The following DLGAP1 variants were observed in gnomAD, a reference collection of about 807,000 sequenced individuals.
DLGAP1 encodes DLG associated protein 1, also known as disks large-associated protein 1.
Under a neutral mutation model 90.8 loss-of-function variants are expected in DLGAP1, and 11 were observed. The ratio of observed to expected loss-of-function variants is 0.12; its 90% CI spans 0.08 to 0.20. The LOEUF is 0.20. Among genes scored for constraint, DLGAP1 ranks in the 10% least tolerant of loss-of-function variants. DLGAP1 has a pLI of 1.00. For synonymous variants in DLGAP1, 558 were observed against 540.7 expected (o/e 1.03, Z -0.44); for missense variants, 1,050 against 1,333.8 (o/e 0.79, Z 3.31).
intron 5 of DLGAP1, among the ~76,000 whole-genome samples, chr18:3,753,125 C>T (rs762981416): frequency 5.9e-5 from 9 of 152,182 alleles, no homozygotes; most frequent in African/African-American, 1.9e-4. Flanking sequence ...ATTGGCAAAA[C>T]GATTAAAATC....
At chr18:3,867,094 C>A (rs1016142950) in intron 4 of DLGAP1, among the ~76,000 whole-genome samples, 1 of 152,142 alleles carries the variant, frequency 6.6e-6, no homozygotes, top group Non-Finnish European at 1.5e-5. Context: ...CCTCGTGATC[C>A]GCCCGCCTTG....
intron 5 of DLGAP1, among the ~76,000 whole-genome samples, chr18:3,757,661 T>A (rs2063772380): frequency 6.6e-6 from 1 of 152,192 alleles, no homozygotes; most frequent in African/African-American, 2.4e-5. Context: ...TCGTCTCACA[T>A]AGAAGTAGAT....
At chr18:4,427,652 G>A (rs532330146) in intron 1 of DLGAP1, among the ~76,000 whole-genome samples, 12 of 152,244 alleles carry the variant, frequency 7.9e-5, no homozygotes, top group South Asian at 4.1e-4. Context: ...GGCAGTGCCC[G>A]GGCCTGGTCA....
intron 4 of DLGAP1, among the ~76,000 whole-genome samples, chr18:3,873,651 G>C (rs1172985132): frequency 6.6e-6 from 1 of 152,088 alleles, no homozygotes; most frequent in Non-Finnish European, 1.5e-5. Context: ...AAATAATCTT[G>C]AACCAATTAT....
intron 3 of DLGAP1, among the ~76,000 whole-genome samples, chr18:3,955,604 C>T (rs1344092833): frequency 6.6e-6 from 1 of 151,954 alleles, no homozygotes; most frequent in Admixed American, 6.5e-5. Flanking sequence ...ATACCAGCTA[C>T]TCGGGAGGCT....
chr18:4,108,595 GCA>G (rs1491400681), intron 2 of DLGAP1, among the ~76,000 whole-genome samples: 5 of 39,454 alleles, frequency 1.3e-4, no homozygotes, highest in African/African-American at 1.1e-3. Flanking sequence ...TTATTTATTA[GCA>G]TTAGCTAATA....
intron 7 of DLGAP1, among the ~76,000 whole-genome samples, chr18:3,688,837 C>T (rs2060798591): frequency 6.6e-6 from 1 of 152,126 alleles, no homozygotes; most frequent in East Asian, 1.9e-4. Context: ...CTCTTTCATC[C>T]GGCCTCCTTT....
intron 1 of DLGAP1, among the ~76,000 whole-genome samples, chr18:4,427,703 A>G (rs368566558): frequency 1.1e-4 from 17 of 152,120 alleles, no homozygotes; most frequent in African/African-American, 3.6e-4. Flanking sequence ...TCTGTCATCC[A>G]TTATTTTGAG....
chr18:3,710,046 AT>A (rs2147214896), intron 7 of DLGAP1, among the ~76,000 whole-genome samples: 1 of 152,224 alleles, frequency 6.6e-6, no homozygotes, highest in Non-Finnish European at 1.5e-5. Flanking sequence ...GGGAGCTGCT[AT>A]TTTCTGTAGT....
intron 7 of DLGAP1, among the ~76,000 whole-genome samples, chr18:3,658,369 TG>T (rs2059573363): frequency 6.6e-6 from 1 of 152,234 alleles, no homozygotes; most frequent in African/African-American, 2.4e-5. Flanking sequence ...CAAGCTGGTA[TG>T]AACCCGCTTT....
At chr18:3,818,277 C>G (rs913080689) in intron 4 of DLGAP1, among the ~76,000 whole-genome samples, 1 of 150,998 alleles carries the variant, frequency 6.6e-6, no homozygotes, top group South Asian at 2.1e-4. Context: ...GGAAGACCTG[C>G]CCTTGACTAA....
intron 1 of DLGAP1, among the ~76,000 whole-genome samples, chr18:4,427,573 C>T (rs967963407): frequency 6.6e-6 from 1 of 151,992 alleles, no homozygotes; most frequent in African/African-American, 2.4e-5. Flanking sequence ...AGATTGAGTC[C>T]CTTGCTGCCA....
intron 4 of DLGAP1, among the ~76,000 whole-genome samples, chr18:3,818,032 G>C (rs1421774212): frequency 1.3e-5 from 2 of 152,098 alleles, no homozygotes; most frequent in Non-Finnish European, 2.9e-5. Context: ...TTAGGAGGGG[G>C]TTGGACTCAA....
chr18:3,573,674 A>G (rs2145237363), intron 8 of DLGAP1, among the ~76,000 whole-genome samples: 1 of 151,706 alleles, frequency 6.6e-6, no homozygotes, highest in East Asian at 1.9e-4. Context: ...TTCTATGGTT[A>G]TAAGATTTCT....
chr18:3,914,029 C>T (rs1010504274), intron 3 of DLGAP1, among the ~76,000 whole-genome samples: 1 of 151,896 alleles, frequency 6.6e-6, no homozygotes, highest in African/African-American at 2.4e-5. Flanking sequence ...TTTTTCCCCA[C>T]CATAGGTAAT....
intron 1 of DLGAP1, among the ~76,000 whole-genome samples, chr18:4,373,396 G>A (rs1212337520): frequency 6.6e-6 from 1 of 152,152 alleles, no homozygotes; most frequent in Non-Finnish European, 1.5e-5. Context: ...ACAAGCAAGT[G>A]AGGAAGTGGG....
intron 1 of DLGAP1, among the ~76,000 whole-genome samples, chr18:4,320,340 G>A (rs1009622343): frequency 6.6e-6 from 1 of 152,064 alleles, no homozygotes; most frequent in Non-Finnish European, 1.5e-5. Context: ...AGCTGAACAG[G>A]TAAATTGGAG....
intron 8 of DLGAP1, 22 bp downstream of exon 8, chr18:3,581,853 G>T: frequency 1.2e-6 from 2 of 1,610,046 alleles, no homozygotes; most frequent in Non-Finnish European, 8.5e-7. Context: ...CTATTTCAAA[G>T]GATAGAAAGG....
rs529056608 is a variant in DLGAP1 at position 4,322,884 on chromosome 18, C to G, written c.-267+132122G>C. Reference sequence around the variant, plus strand: ...GCTGAGACAGGAGACTGGCATGAACCCGGGAGGCGGAGATTGCAGTAAGCT... The same window carrying G: ...GCTGAGACAGGAGACTGGCATGAACGCGGGAGGCGGAGATTGCAGTAAGCT... On this transcript the variant is annotated intron_variant, in intron 1 of 12. Coordinates refer to ENST00000315677, the MANE Select transcript of DLGAP1 (RefSeq NM_004746.4). Among the ~76,000 whole-genome samples the G allele has an allele frequency of 4.9e-5, 7 of 143,404 alleles. No individual in the cohort carries two copies. The Admixed American group carries it at 5.0e-4, about 10-fold the overall frequency. The allele number at this position is 143,404 out of a possible 152,430, so 94.1% of individuals were successfully genotyped here. A position where few individuals can be genotyped will look rare whatever the true frequency, so the allele number is the denominator to read the frequency against.
Sources: allele counts gnomAD v4.1 joint callset (sites outside exome capture counted in the v4.1 genomes callset), GRCh38; gene constraint gnomAD v4.1.1; transcripts MANE v1.5; gene names NCBI Gene and HGNC (gene_info 2026-07-23, HGNC 2026-07-21).